Variants in ACSBG2 observed in about 807,000 individuals in gnomAD.
ACSBG2 encodes the protein acyl-CoA synthetase bubblegum family member 2.
A neutral mutation model predicts 74.7 loss-of-function variants in ACSBG2; 62 were observed. The ratio of observed to expected loss-of-function variants is 0.83; its 90% CI spans 0.68 to 1.03. The LOEUF (loss-of-function observed/expected upper bound fraction) is 1.03, where lower values mean the gene tolerates loss of function less well. ACSBG2 is among the 50% of genes least tolerant of loss of function. The pLI is 0.00. For synonymous variants in ACSBG2, 309 were observed against 294.1 expected (o/e 1.05, Z -0.52); for missense variants, 730 against 817.6 (o/e 0.89, Z 1.31).
In ACSBG2 at chr19:6,174,222, C is replaced by T. The variant is rs967900632; in HGVS notation, c.739-3007C>T. 6.6e-6 allele frequency among the ~76,000 whole-genome samples: 1 copy of T among 152,130 alleles called. No homozygotes were observed. The highest frequency in any genetic ancestry group is 2.4e-5 in the African/African-American group (1 of 41,418). ...AAAGTGCTGGGACTACAAACATGAG[C>T]CACCACGCTTGGCCATCACTCTTGA... On this transcript the variant is annotated intron_variant, in intron 7 of 14. Transcript: ENST00000588485. The surrounding 1 kb of genome is among the most constrained non-coding windows in gnomAD (Gnocchi z 4.2).
intron 5 of ACSBG2, among the ~76,000 whole-genome samples, 184 bp from the exon 6 acceptor site, chr19:6,161,031 C>T (rs531577984): frequency 2.7e-5 from 4 of 149,762 alleles, no homozygotes; most frequent in East Asian, 3.9e-4. Flanking sequence ...ACCCGGGAGG[C>T]GGAGGTTGCA....
At chr19:6,166,280 T>TGTGTGTGTGTGTGTGTGTG (rs2089799967) in intron 7 of ACSBG2, among the ~76,000 whole-genome samples, 3 of 119,096 alleles carry the variant, frequency 2.5e-5, no homozygotes, top group African/African-American at 1.1e-4. Flanking sequence ...GTCAGGAAGG[T>TGTGTGTGTGTGTGTGTGTG]TGTGTGTGTG....
At chr19:6,136,811 T>C (rs1016869216) in intron 1 of ACSBG2, among the ~76,000 whole-genome samples, 5 of 151,972 alleles carry the variant, frequency 3.3e-5, no homozygotes, top group Non-Finnish European at 5.9e-5. Flanking sequence ...AAGTCCTCTG[T>C]AGAGAACTCC....
intron 7 of ACSBG2, among the ~76,000 whole-genome samples, chr19:6,167,749 C>T (rs2089848590): frequency 6.6e-6 from 1 of 152,154 alleles, no homozygotes; most frequent in South Asian, 2.1e-4. Flanking sequence ...AAATTTGATG[C>T]ATAAATATAT....
At chr19:6,156,611 C>T in intron 5 of ACSBG2, 60 bp downstream of exon 5, 1 of 1,448,044 alleles carries the variant, frequency 6.9e-7, no homozygotes. Context: ...GGGCTCTGGG[C>T]AGGTGTTCTT....
chr19:6,155,781 C>T (rs1474814833), intron 4 of ACSBG2, among the ~76,000 whole-genome samples: 1 of 117,456 alleles, frequency 8.5e-6, no homozygotes, highest in Admixed American at 8.5e-5. Flanking sequence ...CCGAGCTAGA[C>T]CCTGTCTCAA....
intron 5 of ACSBG2, 67 bp downstream of exon 5, chr19:6,156,618 T>A (rs1167027703): frequency 8.4e-6 from 12 of 1,435,168 alleles, no homozygotes; most frequent in Non-Finnish European, 9.2e-6. Flanking sequence ...GGGCAGGTGT[T>A]CTTTTTTTCC....
In ACSBG2 at chr19:6,183,228, G is replaced by C. The variant is rs764702621; in HGVS notation, c.1278G>C (p.Ser426=). The C allele has an allele frequency of 6.2e-7, 1 of 1,614,100 alleles. No homozygotes were observed. The highest frequency in any genetic ancestry group is 1.7e-5 in the Admixed American group (1 of 60,008). ...IGELYGLSES[S]GPHTISNQNN... is the part of the protein sequence containing the mutation. ...AGTTGTATGGGTTGAGTGAGAGCTC[G>C]GGACCCCACACGATATCCAACCAGA... Residue 426 remains serine (S), a synonymous_variant, in exon 10 of 15, where the codon TCG becomes TCC. Coordinates refer to ENST00000588485, the MANE Select transcript of ACSBG2 (RefSeq NM_030924.5).
chr19:6,166,477 C>A (rs939237255), intron 7 of ACSBG2, among the ~76,000 whole-genome samples: 8 of 152,144 alleles, frequency 5.3e-5, no homozygotes, highest in African/African-American at 1.9e-4. Flanking sequence ...CCATGCCTGG[C>A]TAATTTTTGT....
At chr19:6,144,206 G>A (rs11673707) in intron 2 of ACSBG2, among the ~76,000 whole-genome samples, 7,165 of 152,216 alleles carry the variant, frequency 0.047, 243 homozygotes, top group Non-Finnish European at 0.067. Flanking sequence ...CCATGTTAGC[G>A]AGGATGGTCT....
intron 14 of ACSBG2, chr19:6,192,125 T>C (rs2090583063): frequency 6.7e-6 from 1 of 149,824 alleles, no homozygotes; most frequent in Non-Finnish European, 1.5e-5. Context: ...ATCAGTATTT[T>C]AAAATTTTGA....
chr19:6,181,313 A>T, intron 8 of ACSBG2, among the ~76,000 whole-genome samples: 1 of 150,278 alleles, frequency 6.7e-6, no homozygotes. Context: ...GAAGGAAAGA[A>T]AGGAAGGAGG....
At chr19:6,140,637 G>A (rs2088788033) in intron 1 of ACSBG2, among the ~76,000 whole-genome samples, 1 of 152,114 alleles carries the variant, frequency 6.6e-6, no homozygotes, top group Non-Finnish European at 1.5e-5. Flanking sequence ...CCGAGATTGT[G>A]TCACTGCACT....
At chr19:6,184,853 A>AC (rs1568254633) in intron 10 of ACSBG2, among the ~76,000 whole-genome samples, 16 of 133,866 alleles carry the variant, frequency 1.2e-4, no homozygotes, top group African/African-American at 4.7e-4. Context: ...AAAAAAAAAA[A>AC]AAAAAAAAAA....
chr19:6,176,367 G>GGGT, intron 7 of ACSBG2: 1 of 1,509,222 alleles, frequency 6.6e-7, no homozygotes, highest in Non-Finnish European at 8.8e-7. Context: ...ATGGCTGAGT[G>GGGT]GGAGGTAGCT....
At position 6,192,595 on chromosome 19, in the gene ACSBG2, G is replaced by A. The variant is rs561678339; in HGVS notation, c.*36-73G>A. Reference sequence around the variant, plus strand: ...GGAATATTTTCATCATATGGTGACTGTGGGATCTTGGAGACTGAATGCACA... The same window carrying A: ...GGAATATTTTCATCATATGGTGACTATGGGATCTTGGAGACTGAATGCACA... On this transcript the variant is annotated intron_variant, in intron 14 of 14. Coordinates refer to ENST00000588485, the MANE Select transcript of ACSBG2 (RefSeq NM_030924.5). 116 of 152,332 alleles carry A rather than the reference G, an allele frequency of 7.6e-4. 1 individual carries two copies. The highest frequency in any genetic ancestry group is 2.7e-3 in the African/African-American group (112 of 41,568). The allele number at this position is 152,332 out of a possible 1,614,324, so 9.4% of individuals were successfully genotyped here.
At chr19:6,140,941 G>A (rs11880614) in intron 1 of ACSBG2, among the ~76,000 whole-genome samples, 90,549 of 151,984 alleles carry the variant, frequency 0.6, 27,966 homozygotes, top group Admixed American at 0.68. Context: ...TCCTTTGCCC[G>A]CTTTCCCATT....
Position 6,141,523 on chromosome 19 carries a change from C to A in ACSBG2, c.-21C>A, listed in dbSNP as rs117157478. The A allele has an allele frequency of 8.1e-5, 128 of 1,582,586 alleles. No homozygotes were observed. The East Asian group carries it at 2.8e-3, about 35-fold the overall frequency. On this transcript the variant is annotated 5_prime_UTR_variant, in exon 2 of 15. Coordinates refer to ENST00000588485, the MANE Select transcript of ACSBG2 (RefSeq NM_030924.5). Reference sequence around the variant, plus strand: ...TTTTTTGCTTTGCAGTGCTGTGGAGCATGGTTTCTGCACACCTGGAATGAC... The same window carrying A: ...TTTTTTGCTTTGCAGTGCTGTGGAGAATGGTTTCTGCACACCTGGAATGAC...
Position 6,185,440 on chromosome 19 carries a change from G to A in ACSBG2, c.1327G>A (p.Gly443Ser). ...NQNNYRLLSC[G>S]KILTGCKNML... ...TCTGCTTCTGTCCCCTGGCAGCTGT[G>A]GCAAGATCTTGACTGGGTGTAAGAA... Residue 443 changes from glycine to serine, a missense_variant, in exon 11 of 15, where the codon GGC becomes AGC. By Grantham distance (56) the Gly-to-Ser change is moderately conservative (BLOSUM62 0). Coordinates refer to ENST00000588485, the MANE Select transcript of ACSBG2 (RefSeq NM_030924.5). The A allele has an allele frequency of 6.2e-7, 1 of 1,614,108 alleles. No individual in the cohort carries two copies. The highest frequency in any genetic ancestry group is 8.5e-7 in the Non-Finnish European group (1 of 1,180,016).
Sources: allele counts gnomAD v4.1 joint callset (sites outside exome capture counted in the v4.1 genomes callset), GRCh38; gene constraint gnomAD v4.1.1; non-coding constraint Gnocchi (gnomAD v3.1); transcripts MANE v1.5; gene names NCBI Gene and HGNC (gene_info 2026-07-23, HGNC 2026-07-21).